Variants in ARHGAP42 observed in about 807,000 individuals in gnomAD.
The protein encoded by ARHGAP42 is Rho GTPase activating protein 42.
ARHGAP42 carries 63 observed loss-of-function variants against 125.0 expected under a neutral mutation model. The ratio of observed to expected loss-of-function variants is 0.50; its 90% CI spans 0.41 to 0.62. ARHGAP42 has a LOEUF of 0.62. Ranked by LOEUF, ARHGAP42 falls within the 20% of genes least tolerant of loss-of-function variation. The pLI, the probability that ARHGAP42 is intolerant of heterozygous loss-of-function variation, is 0.00. For missense variants in ARHGAP42, 766 were observed against 1,024.2 expected, an observed-to-expected ratio of 0.75 and a Z score of 3.44; for synonymous variants, 339 against 351.0, an observed-to-expected ratio of 0.97 and a Z score of 0.38.
intron 5 of ARHGAP42, among the ~76,000 whole-genome samples, chr11:100,916,016 C>T (rs1212729453): frequency 6.6e-6 from 1 of 152,188 alleles, no homozygotes; most frequent in African/African-American, 2.4e-5. Context: ...CTCAAAAAGG[C>T]TCCTCTGTGC....
At chr11:100,905,037 A>C (rs1866682948) in intron 4 of ARHGAP42, among the ~76,000 whole-genome samples, 1 of 152,228 alleles carries the variant, frequency 6.6e-6, no homozygotes, top group Non-Finnish European at 1.5e-5. Flanking sequence ...GCCAGGTGTC[A>C]GCATACCCTT....
At chr11:100,921,440 G>C in intron 5 of ARHGAP42, 54 bp from the exon 6 acceptor site, 2 of 1,258,250 alleles carry the variant, frequency 1.6e-6, no homozygotes, top group Non-Finnish European at 2.2e-6. Context: ...AGCAGGAATT[G>C]AGTCCCTCTC....
chr11:100,941,904 T>A lies in ARHGAP42; in HGVS notation c.933+20T>A. 1 of 1,478,828 alleles carries A rather than the reference T, an allele frequency of 6.8e-7. No homozygotes were observed. Among genetic ancestry groups the A allele is most frequent in the South Asian group, 1.3e-5 (1 of 77,142 alleles). The allele number at this position is 1,478,828 out of a possible 1,614,324, so 91.6% of individuals were successfully genotyped here. A position where few individuals can be genotyped will look rare whatever the true frequency, so the allele number is the denominator to read the frequency against. On this transcript the variant is annotated intron_variant, in intron 9 of 23. Transcript: ENST00000298815. ...AAAATGGTGAGTTAGTTTTGTTTTC[T>A]GTTTGTTTTTTAAACTGTTCATTAT...
intron 1 of ARHGAP42, among the ~76,000 whole-genome samples, chr11:100,723,155 T>C (rs1413382540): frequency 6.6e-6 from 1 of 152,188 alleles, no homozygotes; most frequent in East Asian, 1.9e-4. Flanking sequence ...TTCTATTCTT[T>C]TACCAATATC....
chr11:100,875,226 TA>T (rs1471657847), intron 4 of ARHGAP42, among the ~76,000 whole-genome samples: 1 of 152,068 alleles, frequency 6.6e-6, no homozygotes, highest in Admixed American at 6.6e-5. Flanking sequence ...TTATTTATTT[TA>T]TTTTTTATTT....
chr11:100,975,876 A>G (rs1858376783), intron 19 of ARHGAP42, among the ~76,000 whole-genome samples, 181 bp from the exon 20 acceptor site: 1 of 152,204 alleles, frequency 6.6e-6, no homozygotes, highest in African/African-American at 2.4e-5. Context: ...GTTCAAATGC[A>G]TATTTTAAAG....
At chr11:100,776,964 C>T (rs1052756799) in intron 2 of ARHGAP42, among the ~76,000 whole-genome samples, 2 of 91,408 alleles carry the variant, frequency 2.2e-5, no homozygotes, top group African/African-American at 4.4e-5. Context: ...GCCTGGGCAA[C>T]AAAGTGAACA....
intron 7 of ARHGAP42, 119 bp downstream of exon 7, chr11:100,933,379 C>A: frequency 5.0e-6 from 3 of 598,486 alleles, no homozygotes; most frequent in South Asian, 7.7e-5. Flanking sequence ...AAACCCTAAT[C>A]TTAGTTAGAA....
Position 100,972,501 on chromosome 11 carries a change from G to A in ARHGAP42, c.1551-674G>A, listed in dbSNP as rs546523191. On this transcript the variant is annotated intron_variant, in intron 17 of 23. Coordinates refer to ENST00000298815, the MANE Select transcript of ARHGAP42 (RefSeq NM_152432.4). ...TAGCACAGCACCCAATACTAGGGAG[G>A]TACTCAGGGAAGTTTTGGATGGATG... 4.0e-5 allele frequency among the ~76,000 whole-genome samples: 6 copies of A among 151,254 alleles called. No homozygotes were observed. The East Asian group carries it at 1.2e-3, about 30-fold the overall frequency.
intron 1 of ARHGAP42, among the ~76,000 whole-genome samples, chr11:100,746,953 A>G (rs1017742508): frequency 5.9e-5 from 9 of 152,198 alleles, no homozygotes; most frequent in African/African-American, 2.2e-4. Context: ...TGATGTGTCC[A>G]TCCCTTTCCG....
chr11:100,978,650 G>A (rs931078362), intron 21 of ARHGAP42, among the ~76,000 whole-genome samples: 1 of 152,138 alleles, frequency 6.6e-6, no homozygotes. Context: ...TTCACTCGTG[G>A]CTCCACAGGA....
chr11:100,747,521 T>G (rs887714270), intron 1 of ARHGAP42, among the ~76,000 whole-genome samples: 17 of 152,266 alleles, frequency 1.1e-4, no homozygotes, highest in Non-Finnish European at 2.4e-4. Context: ...TGTGCTTTTA[T>G]TTTAATGTCC....
intron 22 of ARHGAP42, among the ~76,000 whole-genome samples, chr11:100,985,134 T>C (rs1482049335): frequency 1.3e-5 from 2 of 152,196 alleles, no homozygotes; most frequent in African/African-American, 4.8e-5. Context: ...ATACTATAAA[T>C]ACAAGTAAGG....
At chr11:100,975,068 G>T (rs1858352723) in intron 19 of ARHGAP42, among the ~76,000 whole-genome samples, 1 of 152,146 alleles carries the variant, frequency 6.6e-6, no homozygotes, top group Non-Finnish European at 1.5e-5. Flanking sequence ...AAGCCCTAAG[G>T]TGATGTGGGT....
Position 100,993,571 on chromosome 11 carries a change from G to A in ARHGAP42, c.*4770G>A, listed in dbSNP as rs1433720395. ...GAAACCTTAACAAATAGGGAATTTGGCAGGGAAGACACCTGGGTTTTTAAT... is the reference window on the plus strand; with the variant it reads ...GAAACCTTAACAAATAGGGAATTTGACAGGGAAGACACCTGGGTTTTTAAT... On this transcript the variant is annotated 3_prime_UTR_variant, in exon 24 of 24. Transcript: ENST00000298815. 4 of 166,980 alleles carry A rather than the reference G, an allele frequency of 2.4e-5. No individual in the cohort carries two copies. The allele number at this position is 166,980 out of a possible 1,614,324, so 10.3% of individuals were successfully genotyped here.
chr11:100,850,913 G>T (rs935746968), intron 3 of ARHGAP42, among the ~76,000 whole-genome samples: 2 of 121,740 alleles, frequency 1.6e-5, no homozygotes, highest in South Asian at 4.8e-4. Context: ...ATGGAGTCTC[G>T]CTCTGTCACT....
In ARHGAP42 at chr11:100,990,575, C is replaced by G. The variant is rs1265523563; in HGVS notation, c.*1774C>G. 2 of 152,220 alleles carry G rather than the reference C, an allele frequency of 1.3e-5. No homozygotes were observed. The highest frequency in any genetic ancestry group is 2.9e-5 in the Non-Finnish European group (2 of 67,990). The allele number at this position is 152,220 out of a possible 1,614,324, so 9.4% of individuals were successfully genotyped here. A position where few individuals can be genotyped will look rare whatever the true frequency, so the allele number is the denominator to read the frequency against. ...ATGTAAACGTTTGATAAAAGAGTAT[C>G]TTTTTCTTTTATCTCTTACTGTTGA... On this transcript the variant is annotated 3_prime_UTR_variant, in exon 24 of 24. Coordinates refer to ENST00000298815, the MANE Select transcript of ARHGAP42 (RefSeq NM_152432.4).
rs116682679 is a variant in ARHGAP42 at position 100,874,779 on chromosome 11, G to A, written c.384+15154G>A. ...AAATGTATTCCTTTCCTTCCCTTTG[G>A]GTAGGATAGGCTTATTGCCCCATCT... On this transcript the variant is annotated intron_variant, in intron 4 of 23. Coordinates refer to ENST00000298815, the MANE Select transcript of ARHGAP42 (RefSeq NM_152432.4). Among the ~76,000 whole-genome samples the A allele has an allele frequency of 3.8e-3, 582 of 152,110 alleles. 1 individual carries two copies. Among genetic ancestry groups the A allele is most frequent in the African/African-American group, 0.013 (557 of 41,484 alleles).
intron 1 of ARHGAP42, among the ~76,000 whole-genome samples, chr11:100,714,706 A>G (rs528833090): frequency 6.6e-6 from 1 of 152,204 alleles, no homozygotes; most frequent in South Asian, 2.1e-4. Context: ...ATTCTCTTTC[A>G]TCAGGTTAAA....
Sources: gnomAD v4.1 joint callset for allele counts (sites outside exome capture counted in the v4.1 genomes callset) on GRCh38, gnomAD v4.1.1 for gene constraint, MANE v1.5 for transcripts, NCBI Gene and HGNC (gene_info 2026-07-23, HGNC 2026-07-21) for gene names.